SDCCAG8: variants seen among roughly 807,000 people sequenced by gnomAD.
The protein encoded by SDCCAG8 is serologically defined colon cancer antigen 8.
Under a neutral mutation model 101.8 loss-of-function variants are expected in SDCCAG8, and 74 were observed. The ratio of observed to expected loss-of-function variants is 0.73; its 90% CI spans 0.60 to 0.88. The LOEUF is 0.88. Ranked by LOEUF, SDCCAG8 falls within the 40% of genes least tolerant of loss-of-function variation. SDCCAG8 has a pLI of 0.00. For missense variants in SDCCAG8, 787 were observed against 822.6 expected (o/e 0.96, Z 0.53); for synonymous variants, 281 against 292.9 (o/e 0.96, Z 0.41).
At chr1:243,480,823 A>G (rs1362058902) in intron 16 of SDCCAG8, among the ~76,000 whole-genome samples, 6 of 55,218 alleles carry the variant, frequency 1.1e-4, no homozygotes, top group Non-Finnish European at 1.4e-4. Flanking sequence ...GGTGGGATGG[A>G]TGGATGGATG....
intron 12 of SDCCAG8, among the ~76,000 whole-genome samples, chr1:243,361,123 C>G (rs1220636704): frequency 6.6e-6 from 1 of 152,178 alleles, no homozygotes; most frequent in African/African-American, 2.4e-5. Flanking sequence ...GTTTATGTCA[C>G]TGGTTAGCAA....
Position 243,308,092 on chromosome 1 carries a change from CTTTG to C in SDCCAG8, c.849_852del (p.Cys283Ter), listed in dbSNP as rs1283378694. ...TAATACTTGTAACCGTGTTGGTGGTCTTTGTTTGAAATGTGCTCAGCATGAAGCT... is the reference window on the plus strand; with the variant it reads ...TAATACTTGTAACCGTGTTGGTGGTCTTTGAAATGTGCTCAGCATGAAGCT... On this transcript the variant is annotated frameshift_variant, in exon 8 of 18. Coordinates refer to ENST00000366541, the MANE Select transcript of SDCCAG8 (RefSeq NM_006642.5). LOFTEE classifies it high-confidence loss of function. 13 of 1,614,126 alleles carry C rather than the reference CTTTG, an allele frequency of 8.1e-6. No homozygotes were observed. In the East Asian group the frequency reaches 2.7e-4, roughly 33 times the overall value.
intron 16 of SDCCAG8, among the ~76,000 whole-genome samples, chr1:243,454,426 T>C (rs992969716): frequency 6.6e-6 from 1 of 152,100 alleles, no homozygotes; most frequent in Non-Finnish European, 1.5e-5. Flanking sequence ...TCGCTCACGT[T>C]TGGTTATCTT....
At chr1:243,324,447 C>T (rs1009229510) in intron 9 of SDCCAG8, among the ~76,000 whole-genome samples, 2 of 143,436 alleles carry the variant, frequency 1.4e-5, no homozygotes, top group African/African-American at 5.1e-5. Context: ...CAAGGCTTCA[C>T]ATCTTCACAT....
At chr1:243,310,331 G>A (rs939164938) in intron 8 of SDCCAG8, among the ~76,000 whole-genome samples, 1 of 151,982 alleles carries the variant, frequency 6.6e-6, no homozygotes, top group African/African-American at 2.4e-5. Flanking sequence ...ATATGTCAAC[G>A]ACTGTGCTAG....
intron 4 of SDCCAG8, among the ~76,000 whole-genome samples, chr1:243,280,305 T>C (rs1260433597): frequency 6.6e-5 from 10 of 152,138 alleles, no homozygotes; most frequent in Non-Finnish European, 1.5e-4. Context: ...TAGTATATGA[T>C]AGAATCTAAT....
At chr1:243,372,610 A>G (rs1453547501) in intron 12 of SDCCAG8, among the ~76,000 whole-genome samples, 1 of 152,070 alleles carries the variant, frequency 6.6e-6, no homozygotes, top group Non-Finnish European at 1.5e-5. Flanking sequence ...TGTAAAAAAT[A>G]TATTTTAATT....
intron 16 of SDCCAG8, among the ~76,000 whole-genome samples, chr1:243,475,460 C>G (rs1035966259): frequency 6.6e-6 from 1 of 152,092 alleles, no homozygotes; most frequent in South Asian, 2.1e-4. Flanking sequence ...TTCCCTCCGG[C>G]GCCTCTTACT....
intron 12 of SDCCAG8, among the ~76,000 whole-genome samples, chr1:243,365,810 G>T (rs2076961448): frequency 6.6e-6 from 1 of 151,988 alleles, no homozygotes; most frequent in Non-Finnish European, 1.5e-5. Context: ...AAAATTTTTG[G>T]CTTTGAAGAG....
At chr1:243,468,248 A>G (rs1474131844) in intron 16 of SDCCAG8, among the ~76,000 whole-genome samples, 1 of 149,920 alleles carries the variant, frequency 6.7e-6, no homozygotes, top group African/African-American at 2.5e-5. Context: ...AGACGGAGTC[A>G]GCTGTGTCAC....
At chr1:243,261,801 A>G (rs565064438) in intron 1 of SDCCAG8, among the ~76,000 whole-genome samples, 89 of 152,190 alleles carry the variant, frequency 5.8e-4, no homozygotes, top group African/African-American at 2.1e-3. Flanking sequence ...TTGCTGATAA[A>G]ATTCAAATTA....
chr1:243,324,291 T>C (rs61833917), intron 9 of SDCCAG8, among the ~76,000 whole-genome samples: 1 of 152,176 alleles, frequency 6.6e-6, no homozygotes, highest in Non-Finnish European at 1.5e-5. Context: ...ACCGCAGTCC[T>C]GGCTTGCATT....
rs759504214 is a variant in SDCCAG8 at position 243,316,753 on chromosome 1, A to C, written c.930-2A>C. 3 of 1,614,184 alleles carry C rather than the reference A, an allele frequency of 1.9e-6. No homozygotes were observed. The East Asian group carries it at 6.7e-5, about 36-fold the overall frequency. On this transcript the variant is annotated splice_acceptor_variant, in intron 8 of 17. Coordinates refer to ENST00000366541, the MANE Select transcript of SDCCAG8 (RefSeq NM_006642.5). LOFTEE classifies it high-confidence loss of function. ...TTTTGAATGTTCTTTTTGTGCTGAC[A>C]GAGAAAGAGATGACTTGATGTCTGC...
chr1:243,285,109 C>G (rs1456269438), intron 4 of SDCCAG8, among the ~76,000 whole-genome samples: 1 of 152,150 alleles, frequency 6.6e-6, no homozygotes, highest in Admixed American at 6.6e-5. Flanking sequence ...TCTTGAACCC[C>G]TGACCTCATG....
At chr1:243,477,893 G>A (rs962041703) in intron 16 of SDCCAG8, among the ~76,000 whole-genome samples, 3 of 152,210 alleles carry the variant, frequency 2.0e-5, no homozygotes, top group African/African-American at 4.8e-5. Context: ...TCCTCAAACT[G>A]TTACTGGTCT....
At chr1:243,264,560 G>A (rs1341008430) in intron 1 of SDCCAG8, among the ~76,000 whole-genome samples, 1 of 152,146 alleles carries the variant, frequency 6.6e-6, no homozygotes, top group Non-Finnish European at 1.5e-5. Context: ...GTTGCAGTGA[G>A]CCGAGATTGC....
At chr1:243,358,345 A>AACAT (rs1211031064) in intron 12 of SDCCAG8, among the ~76,000 whole-genome samples, 1 of 152,194 alleles carries the variant, frequency 6.6e-6, no homozygotes. Context: ...ATGATTAATA[A>AACAT]ACATGTGAAA....
intron 12 of SDCCAG8, among the ~76,000 whole-genome samples, chr1:243,355,651 G>A (rs2076340853): frequency 6.6e-6 from 1 of 152,004 alleles, no homozygotes; most frequent in Admixed American, 6.6e-5. Flanking sequence ...TGTTGTCCAG[G>A]CTGGAGTGCG....
At chr1:243,450,936 G>A (rs1050886277) in intron 16 of SDCCAG8, among the ~76,000 whole-genome samples, 5 of 152,222 alleles carry the variant, frequency 3.3e-5, no homozygotes, top group African/African-American at 9.7e-5. Flanking sequence ...TGGGATTACA[G>A]GCGTTAGGAT....
Sources: gnomAD v4.1 joint callset for allele counts (sites outside exome capture counted in the v4.1 genomes callset) on GRCh38, gnomAD v4.1.1 for gene constraint, MANE v1.5 for transcripts, NCBI Gene and HGNC (gene_info 2026-07-23, HGNC 2026-07-21) for gene names.